The following RNF180 variants were observed in gnomAD, a reference collection of about 807,000 sequenced individuals.
The protein encoded by RNF180 is E3 ubiquitin-protein ligase RNF180.
A neutral mutation model predicts 59.2 loss-of-function variants in RNF180; 38 were observed. The ratio of observed to expected loss-of-function variants is 0.64; its 90% CI spans 0.50 to 0.84. RNF180 has a LOEUF of 0.84. Among genes scored for constraint, RNF180 ranks in the 40% least tolerant of loss-of-function variants. RNF180 has a pLI of 0.00. For missense variants in RNF180, 705 were observed against 700.9 expected, an observed-to-expected ratio of 1.01 and a Z score of -0.07; for synonymous variants, 262 against 240.3, an observed-to-expected ratio of 1.09 and a Z score of -0.84.
chr5:64,252,141 A>G (rs775567378), intron 5 of RNF180, among the ~76,000 whole-genome samples: 1 of 152,236 alleles, frequency 6.6e-6, no homozygotes, highest in African/African-American at 2.4e-5. Context: ...CTACAGATCT[A>G]TAGCAACCAA....
chr5:64,319,977 G>A (rs1744261233), intron 5 of RNF180, among the ~76,000 whole-genome samples: 1 of 152,280 alleles, frequency 6.6e-6, no homozygotes, highest in Admixed American at 6.5e-5. Flanking sequence ...GGAATTATAG[G>A]TCATGATATG....
At chr5:64,340,576 A>T (rs1299673320) in intron 7 of RNF180, among the ~76,000 whole-genome samples, 1 of 152,230 alleles carries the variant, frequency 6.6e-6, no homozygotes, top group African/African-American at 2.4e-5. Context: ...AGAAAGTTGG[A>T]GGTAAGTCAG....
At chr5:64,243,249 T>A (rs1742904949) in intron 5 of RNF180, among the ~76,000 whole-genome samples, 1 of 152,160 alleles carries the variant, frequency 6.6e-6, no homozygotes, top group Non-Finnish European at 1.5e-5. Context: ...AACCGTTCAC[T>A]CCCCTGGAAA....
intron 7 of RNF180, among the ~76,000 whole-genome samples, chr5:64,343,011 G>T (rs917105079): frequency 1.3e-5 from 2 of 152,094 alleles, no homozygotes; most frequent in Non-Finnish European, 1.5e-5. Flanking sequence ...CACTCTGTCT[G>T]CCTGACAAAA....
At chr5:64,193,838 C>T (rs1000541375) in intron 1 of RNF180, among the ~76,000 whole-genome samples, 5 of 152,140 alleles carry the variant, frequency 3.3e-5, no homozygotes, top group South Asian at 2.1e-4. Flanking sequence ...TTTACCTATC[C>T]GAAAACCTTG....
intron 5 of RNF180, among the ~76,000 whole-genome samples, chr5:64,309,400 T>C (rs16892619): frequency 0.012 from 1,770 of 151,832 alleles, 34 homozygotes; most frequent in African/African-American, 0.04. Flanking sequence ...CCATCAACCA[T>C]AGAATTGATT....
chr5:64,228,703 C>G (rs1381345219), intron 5 of RNF180, among the ~76,000 whole-genome samples: 1 of 151,726 alleles, frequency 6.6e-6, no homozygotes, highest in African/African-American at 2.4e-5. Context: ...AAGTCATTAC[C>G]CTAATATTAT....
intron 5 of RNF180, among the ~76,000 whole-genome samples, chr5:64,314,004 T>G (rs1743915367): frequency 6.6e-6 from 1 of 152,156 alleles, no homozygotes; most frequent in Admixed American, 6.6e-5. Flanking sequence ...ATGGGGTTGT[T>G]TTTTGCTTGT....
At chr5:64,241,390 T>G (rs894630816) in intron 5 of RNF180, among the ~76,000 whole-genome samples, 2 of 152,240 alleles carry the variant, frequency 1.3e-5, no homozygotes, top group African/African-American at 4.8e-5. Context: ...GGGACAGATG[T>G]GGCTGATCCA....
rs1742427446 is a variant in RNF180, at chr5:64,236,081, G to A, written c.1227+18685G>A. Among the ~76,000 whole-genome samples, 4 of 152,202 alleles carry A rather than the reference G, an allele frequency of 2.6e-5. No individual in the cohort carries two copies. In the South Asian group the frequency reaches 8.3e-4, roughly 32 times the overall value. On this transcript the variant is annotated intron_variant, in intron 5 of 7. Transcript: ENST00000389100. The stretch of plus-strand genomic sequence containing the variant: ...TGGAACTGGGTAATAGGCAGAGGTT[G>A]GAACAGTTTGGAGGGCTCAGAAGAA...
intron 5 of RNF180, among the ~76,000 whole-genome samples, chr5:64,246,041 T>G (rs1426478934): frequency 6.6e-6 from 1 of 151,922 alleles, no homozygotes; most frequent in African/African-American, 2.4e-5. Flanking sequence ...AAGGCAGAAA[T>G]AAGAAAGTTT....
intron 7 of RNF180, among the ~76,000 whole-genome samples, chr5:64,344,207 T>A (rs954252409): frequency 1.3e-5 from 2 of 152,032 alleles, no homozygotes; most frequent in Non-Finnish European, 2.9e-5. Context: ...TTATAAGAGA[T>A]GGCATTTAAA....
intron 5 of RNF180, among the ~76,000 whole-genome samples, chr5:64,283,187 G>A (rs1203437674): frequency 1.3e-5 from 2 of 152,156 alleles, no homozygotes; most frequent in Non-Finnish European, 2.9e-5. Flanking sequence ...CTCCAGTATT[G>A]GGTGCATGTG....
At chr5:64,304,528 G>A (rs1343855891) in intron 5 of RNF180, among the ~76,000 whole-genome samples, 1 of 151,606 alleles carries the variant, frequency 6.6e-6, no homozygotes, top group Non-Finnish European at 1.5e-5. Flanking sequence ...AACCTCAGTG[G>A]AGAAAGTAAC....
chr5:64,297,637 A>G (rs1431250354), intron 5 of RNF180, among the ~76,000 whole-genome samples: 3 of 152,032 alleles, frequency 2.0e-5, no homozygotes, highest in Admixed American at 2.0e-4. Flanking sequence ...ATGTTTAATT[A>G]TCTCATAATA....
rs28775886 is a variant in RNF180, at chr5:64,317,594, T to C, written c.1228-7592T>C. On this transcript the variant is annotated intron_variant, in intron 5 of 7. Transcript: ENST00000389100. ...TATATATACACATATATATACATAT[T>C]TATACACACACACACACACACACAT... Among the ~76,000 whole-genome samples, 8 of 101,422 alleles carry C rather than the reference T, an allele frequency of 7.9e-5. No homozygotes were observed. The Admixed American group carries it at 8.2e-4, about 10-fold the overall frequency. 66.5% of individuals were successfully genotyped at this position (101,422 alleles called of 152,430 possible).
chr5:64,214,512 A>G lies in RNF180; in HGVS notation c.1186A>G (p.Lys396Glu), dbSNP rs1173689836. 9.9e-6 allele frequency: 16 copies of G among 1,611,004 alleles called. No homozygotes were observed. The highest frequency in any genetic ancestry group is 1.4e-5 in the Non-Finnish European group (16 of 1,178,288). The change falls in exon 4 of 8, where the codon AAG (lysine) becomes GAG (glutamate). Residue 396 changes from lysine (K) to glutamate (E), a missense_variant. Lys to Glu is a moderately conservative substitution (Grantham distance 56, BLOSUM62 1). Transcript: ENST00000389100. The part of the protein sequence containing the change: ...KQRRRERWLQ[K>E]QGKYSGVGLL... Reference sequence around the variant, plus strand: ...ACGAAGGCGTGAAAGATGGCTACAGAAGCAGGTAATATTTTTCAAAAGAGT... The same window carrying G: ...ACGAAGGCGTGAAAGATGGCTACAGGAGCAGGTAATATTTTTCAAAAGAGT...
In RNF180 at chr5:64,301,057, T is replaced by C. The variant is rs1159252852; in HGVS notation, c.1228-24129T>C. On this transcript the variant is annotated intron_variant, in intron 5 of 7. Transcript: ENST00000389100. ...CAGATTGTTAAAGGTCTTTTGTCTCTTTCTTACAAAACAATTTTTCTGTCA... is the reference window on the plus strand; with the variant it reads ...CAGATTGTTAAAGGTCTTTTGTCTCCTTCTTACAAAACAATTTTTCTGTCA... Among the ~76,000 whole-genome samples the C allele has an allele frequency of 2.0e-5, 3 of 150,224 alleles. No homozygotes were observed. The East Asian group carries it at 5.9e-4, about 29-fold the overall frequency.
chr5:64,263,333 A>G (rs1744459103), intron 5 of RNF180, among the ~76,000 whole-genome samples: 1 of 152,144 alleles, frequency 6.6e-6, no homozygotes, highest in South Asian at 2.1e-4. Flanking sequence ...TCCATGGTGT[A>G]AATATTCTCG....
Sources: allele counts gnomAD v4.1 joint callset (sites outside exome capture counted in the v4.1 genomes callset), GRCh38; gene constraint gnomAD v4.1.1; transcripts MANE v1.5; gene names NCBI Gene and HGNC (gene_info 2026-07-23, HGNC 2026-07-21).